Variants in EBF1 observed in about 807,000 individuals in gnomAD.
EBF1 encodes EBF transcription factor 1.
In EBF1, 10 loss-of-function variants were observed where a neutral mutation model predicts 68.4. That is an observed-to-expected ratio of 0.15 (90% CI 0.09 to 0.25). The LOEUF (loss-of-function observed/expected upper bound fraction) is 0.25. EBF1 is among the 10% of genes least tolerant of loss of function. The pLI is 1.00. For missense variants in EBF1, 509 were observed against 794.4 expected (o/e 0.64, Z 4.32); for synonymous variants, 298 against 299.8 (o/e 0.99, Z 0.06).
intron 6 of EBF1, among the ~76,000 whole-genome samples, chr5:158,848,535 C>A (rs1791984179): frequency 6.6e-6 from 1 of 152,064 alleles, no homozygotes. Flanking sequence ...CAGAACCAAC[C>A]CAAATATGGA....
chr5:159,013,602 G>A (rs1765091391), intron 6 of EBF1, among the ~76,000 whole-genome samples: 1 of 152,216 alleles, frequency 6.6e-6, no homozygotes, highest in African/African-American at 2.4e-5. Flanking sequence ...CTGAGATCCA[G>A]GCTGAGGCTG....
intron 6 of EBF1, among the ~76,000 whole-genome samples, chr5:158,919,146 C>A (rs183594259): frequency 6.6e-6 from 1 of 152,306 alleles, no homozygotes; most frequent in South Asian, 2.1e-4. Flanking sequence ...CTCTCCAGTG[C>A]TGACATGGGT....
At chr5:158,841,409 CTT>C (rs1046387157) in intron 6 of EBF1, among the ~76,000 whole-genome samples, 8 of 152,182 alleles carry the variant, frequency 5.3e-5, no homozygotes, top group African/African-American at 1.9e-4. Context: ...TTTGCAATCT[CTT>C]TTACTACTAG....
At chr5:158,889,220 G>C (rs1462144584) in intron 6 of EBF1, among the ~76,000 whole-genome samples, 1 of 152,154 alleles carries the variant, frequency 6.6e-6, no homozygotes, top group East Asian at 1.9e-4. Context: ...ACAAGTACTT[G>C]TGGAATAAAC....
In EBF1 at chr5:159,096,986, C is replaced by T; in HGVS notation, c.279G>A (p.Val93=). ...TGCGCCCACTTACTTTTTCCTTCTC[C>T]ACGAACCCCACAAACGCTGTCCTCT... ...EIERTAFVGF[V]EKEKEANSEK... is the part of the protein sequence containing the mutation. The change falls in exon 2 of 16, where the codon GTG becomes GTA. Residue 93 remains valine, a synonymous_variant. Coordinates refer to ENST00000313708, the MANE Select transcript of EBF1 (RefSeq NM_024007.5). 1 of 1,613,986 alleles carries T rather than the reference C, an allele frequency of 6.2e-7. No individual in the cohort carries two copies. Among genetic ancestry groups the T allele is most frequent in the Non-Finnish European group, 8.5e-7 (1 of 1,179,986 alleles).
At chr5:158,699,204 T>C (rs1187268717) in intron 15 of EBF1, 62 bp from the exon 16 acceptor site, 6 of 1,500,370 alleles carry the variant, frequency 4.0e-6, no homozygotes, top group Non-Finnish European at 5.4e-6. Flanking sequence ...CTGAGAAAAA[T>C]AATGAAGACT....
intron 11 of EBF1, among the ~76,000 whole-genome samples, chr5:158,718,789 A>G (rs896534014): frequency 1.3e-5 from 2 of 152,004 alleles, no homozygotes; most frequent in Admixed American, 1.3e-4. Context: ...TAATATCTCT[A>G]TTTCCTCTGA....
intron 6 of EBF1, among the ~76,000 whole-genome samples, chr5:158,966,099 C>G (rs184460701): frequency 3.3e-5 from 5 of 152,298 alleles, no homozygotes; most frequent in Admixed American, 2.6e-4. Context: ...TTCAGTTACA[C>G]CAATTATTTC....
intron 6 of EBF1, among the ~76,000 whole-genome samples, chr5:158,925,212 A>G (rs1809408218): frequency 6.6e-6 from 1 of 152,046 alleles, no homozygotes; most frequent in African/African-American, 2.4e-5. Flanking sequence ...GCCATGAATC[A>G]CCTCTTTATG....
chr5:158,777,656 A>G, intron 9 of EBF1, 117 bp from the exon 10 acceptor site: 1 of 1,088,456 alleles, frequency 9.2e-7, no homozygotes, highest in East Asian at 2.8e-5. Flanking sequence ...TCTATGTTTA[A>G]ATCCAATCTT....
At chr5:159,071,403 C>A (rs1377679563) in intron 6 of EBF1, among the ~76,000 whole-genome samples, 2 of 152,122 alleles carry the variant, frequency 1.3e-5, no homozygotes, top group Non-Finnish European at 2.9e-5. Context: ...TGAGTAATAT[C>A]CCCAAAGCCA....
intron 15 of EBF1, among the ~76,000 whole-genome samples, chr5:158,701,876 G>A (rs544786599): frequency 2.6e-4 from 39 of 152,272 alleles, no homozygotes; most frequent in South Asian, 8.3e-4. Context: ...AGAGTCTAAT[G>A]GGAGCTATGG....
intron 6 of EBF1, among the ~76,000 whole-genome samples, chr5:159,008,389 C>G (rs1763978884): frequency 6.6e-6 from 1 of 151,944 alleles, no homozygotes; most frequent in Non-Finnish European, 1.5e-5. Flanking sequence ...CTTTAGTTAA[C>G]AAACAGATGA....
At chr5:158,717,602 C>T (rs1159606269) in intron 11 of EBF1, among the ~76,000 whole-genome samples, 1 of 151,834 alleles carries the variant, frequency 6.6e-6, no homozygotes, top group Non-Finnish European at 1.5e-5. Context: ...GGATATTAGA[C>T]AATTCCAAGA....
chr5:158,870,620 G>A (rs1796708315), intron 6 of EBF1, among the ~76,000 whole-genome samples: 1 of 152,120 alleles, frequency 6.6e-6, no homozygotes, highest in Admixed American at 6.5e-5. Flanking sequence ...AGGCTTCAGT[G>A]AGCCATGATT....
At chr5:158,782,495 C>A (rs918233285) in intron 9 of EBF1, among the ~76,000 whole-genome samples, 6 of 148,488 alleles carry the variant, frequency 4.0e-5, no homozygotes, top group Non-Finnish European at 7.5e-5. Context: ...CCTGTCTCTA[C>A]AAAAAAAAAA....
intron 6 of EBF1, among the ~76,000 whole-genome samples, chr5:158,940,694 C>T (rs1226536858): frequency 7.5e-6 from 1 of 132,836 alleles, no homozygotes; most frequent in Non-Finnish European, 1.5e-5. Context: ...CAGCCTTTTA[C>T]AAGGAGAGAA....
intron 6 of EBF1, among the ~76,000 whole-genome samples, chr5:158,909,942 C>T (rs569497847): frequency 5.0e-5 from 5 of 100,264 alleles, no homozygotes; most frequent in Admixed American, 3.3e-4. Context: ...GGTGACAGAA[C>T]GAGACTCTGT....
chr5:158,763,586 A>T (rs542045593), intron 10 of EBF1, among the ~76,000 whole-genome samples: 46 of 152,274 alleles, frequency 3.0e-4, no homozygotes, highest in Non-Finnish European at 6.5e-4. Context: ...TTTTGTAAAC[A>T]TATCACATAT....
Sources: allele counts gnomAD v4.1 joint callset (sites outside exome capture counted in the v4.1 genomes callset), GRCh38; gene constraint gnomAD v4.1.1; transcripts MANE v1.5; gene names NCBI Gene and HGNC (gene_info 2026-07-23, HGNC 2026-07-21).